TLE4: variants seen among roughly 807,000 people sequenced by gnomAD.
TLE4 encodes the protein transducin-like enhancer protein 4.
A neutral mutation model predicts 92.8 loss-of-function variants in TLE4; 8 were observed. The ratio of observed to expected loss-of-function variants is 0.09; its 90% CI spans 0.05 to 0.16. The LOEUF (loss-of-function observed/expected upper bound fraction) is 0.16. TLE4 is among the 10% of genes least tolerant of loss of function. TLE4 has a pLI of 1.00. For synonymous variants in TLE4, 371 were observed against 374.1 expected (o/e 0.99, Z 0.10); for missense variants, 675 against 997.6 (o/e 0.68, Z 4.36).
intron 8 of TLE4, among the ~76,000 whole-genome samples, chr9:79,662,799 C>T (rs991337004): frequency 2.6e-5 from 4 of 152,296 alleles, no homozygotes; most frequent in East Asian, 1.9e-4. Flanking sequence ...AGTAAATTCT[C>T]ATTAGGCTTG....
intron 2 of TLE4, chr9:79,574,020 G>T: frequency 3.2e-6 from 1 of 316,452 alleles, no homozygotes. Context: ...AAACTGGGGA[G>T]ACTTGGAAAA....
At chr9:79,593,877 T>G (rs1322749146) in intron 4 of TLE4, among the ~76,000 whole-genome samples, 1 of 152,228 alleles carries the variant, frequency 6.6e-6, no homozygotes, top group African/African-American at 2.4e-5. Context: ...TTGGTAACTT[T>G]ACAGTTTCTT....
Position 79,655,212 on chromosome 9 carries a change from T to G in TLE4, c.609+1137T>G, listed in dbSNP as rs146933861. Reference sequence around the variant, plus strand: ...GTATTATGCGTAATTGTATTACATATGCCATTGTGTTACTTATTGGTTAGA... The same window carrying G: ...GTATTATGCGTAATTGTATTACATAGGCCATTGTGTTACTTATTGGTTAGA... On this transcript the variant is annotated intron_variant, in intron 8 of 19. Transcript: ENST00000376552. Among the ~76,000 whole-genome samples, 4 of 152,346 alleles carry G rather than the reference T, an allele frequency of 2.6e-5. No individual in the cohort carries two copies. The East Asian group carries it at 7.7e-4, about 29-fold the overall frequency.
At chr9:79,625,271 G>A (rs1013792953) in intron 5 of TLE4, among the ~76,000 whole-genome samples, 7 of 151,776 alleles carry the variant, frequency 4.6e-5, no homozygotes, top group East Asian at 1.9e-4. Context: ...CGCCCGCCTC[G>A]GCCTCCCAAA....
intron 6 of TLE4, among the ~76,000 whole-genome samples, chr9:79,647,816 A>G (rs2058325060): frequency 6.6e-6 from 1 of 152,096 alleles, no homozygotes; most frequent in African/African-American, 2.4e-5. Context: ...ATTGTTAAGT[A>G]TCTTAATGGT....
intron 8 of TLE4, among the ~76,000 whole-genome samples, chr9:79,688,891 G>A (rs985941342): frequency 3.3e-5 from 5 of 152,048 alleles, no homozygotes; most frequent in Non-Finnish European, 5.9e-5. Context: ...CAAGCTGACA[G>A]TGGCATGTGG....
At chr9:79,698,798 G>A (rs978759935) in intron 8 of TLE4, among the ~76,000 whole-genome samples, 1 of 151,036 alleles carries the variant, frequency 6.6e-6, no homozygotes, top group African/African-American at 2.4e-5. Context: ...TGTGCATTTT[G>A]ACCAAGTAAT....
At chr9:79,654,194 A>C (rs13302858) in intron 8 of TLE4, 119 bp downstream of exon 8, 1 of 1,033,206 alleles carries the variant, frequency 9.7e-7, no homozygotes. Flanking sequence ...GTAGTGGTTA[A>C]CTGCATTTTT....
chr9:79,665,335 G>T (rs1330311352), intron 8 of TLE4, among the ~76,000 whole-genome samples: 1 of 152,180 alleles, frequency 6.6e-6, no homozygotes, highest in Admixed American at 6.5e-5. Flanking sequence ...TGCATTGGGG[G>T]TGCACAGTAA....
intron 4 of TLE4, among the ~76,000 whole-genome samples, chr9:79,598,243 C>T (rs1564263413): frequency 1.4e-5 from 2 of 143,008 alleles, no homozygotes; most frequent in Admixed American, 7.0e-5. Flanking sequence ...AGCAAGACTC[C>T]GTCTCAAAAA....
chr9:79,719,936 C>T lies in TLE4; in HGVS notation c.1591-110C>T, dbSNP rs186476828. The T allele has an allele frequency of 3.3e-4, 458 of 1,370,312 alleles. 2 individuals are homozygous for T. In the African/African-American group the frequency reaches 4.8e-3, roughly 14 times the overall value. The allele number at this position is 1,370,312 out of a possible 1,614,324, so 84.9% of individuals were successfully genotyped here. On this transcript the variant is annotated intron_variant, in intron 15 of 19. Coordinates refer to ENST00000376552, the MANE Select transcript of TLE4 (RefSeq NM_007005.6). ...ACTTTATCATTGTCATAAGTATAAA[C>T]GGCTCATTAAACCAGGAGGGAACAC...
In TLE4 at chr9:79,572,032, A is replaced by C. The variant is rs1432088803; in HGVS notation, c.-759A>C. On this transcript the variant is annotated 5_prime_UTR_variant, in exon 1 of 20. Transcript: ENST00000376552. ...TTGGCTGCTTTCTTCCCCCTTTCTC[A>C]CACACTTGTATATTATTTTGAGGTG... The C allele has an allele frequency of 6.6e-6, 1 of 152,048 alleles. No individual in the cohort carries two copies. Among genetic ancestry groups the C allele is most frequent in the East Asian group, 1.9e-4 (1 of 5,162 alleles). 9.4% of individuals were successfully genotyped at this position (152,048 alleles called of 1,614,324 possible).
intron 6 of TLE4, among the ~76,000 whole-genome samples, chr9:79,631,716 T>G (rs940436888): frequency 6.6e-6 from 1 of 150,880 alleles, no homozygotes; most frequent in Admixed American, 6.6e-5. Flanking sequence ...TGTTTAAAAA[T>G]GTATGTCTCT....
intron 5 of TLE4, among the ~76,000 whole-genome samples, chr9:79,617,045 G>A (rs1014301908): frequency 6.6e-6 from 1 of 152,092 alleles, no homozygotes; most frequent in Non-Finnish European, 1.5e-5. Context: ...TTACTTCCAG[G>A]GAAATAGATT....
chr9:79,609,255 CT>C (rs2047810227), intron 4 of TLE4, among the ~76,000 whole-genome samples: 2 of 152,084 alleles, frequency 1.3e-5, no homozygotes, highest in African/African-American at 2.4e-5. Flanking sequence ...TCCTAGGCCA[CT>C]GTCCATCAGT....
At chr9:79,620,065 T>G (rs1475828949) in intron 5 of TLE4, among the ~76,000 whole-genome samples, 41 of 152,166 alleles carry the variant, frequency 2.7e-4, no homozygotes, top group Non-Finnish European at 7.3e-5. Context: ...TTCCTGTGGT[T>G]TAAATGTGGG....
chr9:79,696,845 A>AG (rs2068388844), intron 8 of TLE4, among the ~76,000 whole-genome samples: 1 of 152,144 alleles, frequency 6.6e-6, no homozygotes, highest in Non-Finnish European at 1.5e-5. Flanking sequence ...TCATTCAAAA[A>AG]CAGAGCACAG....
chr9:79,714,760 A>G (rs1370784673), intron 14 of TLE4, among the ~76,000 whole-genome samples: 1 of 152,256 alleles, frequency 6.6e-6, no homozygotes, highest in Non-Finnish European at 1.5e-5. Flanking sequence ...TTGTATCCTT[A>G]GCATGACGTT....
intron 4 of TLE4, among the ~76,000 whole-genome samples, chr9:79,591,683 G>A (rs557662324): frequency 5.3e-5 from 8 of 152,292 alleles, no homozygotes; most frequent in Non-Finnish European, 4.4e-5. Flanking sequence ...GAACTGGAAA[G>A]GAGGAATCCC....
Sources: allele counts gnomAD v4.1 joint callset (sites outside exome capture counted in the v4.1 genomes callset), GRCh38; gene constraint gnomAD v4.1.1; transcripts MANE v1.5; gene names NCBI Gene and HGNC (gene_info 2026-07-23, HGNC 2026-07-21).